The following NPR3 variants were observed in gnomAD, a reference collection of about 807,000 sequenced individuals.
NPR3 encodes the protein natriuretic peptide receptor 3, also known as atrial natriuretic peptide receptor 3.
NPR3 carries 34 observed loss-of-function variants against 54.5 expected under a neutral mutation model. The ratio of observed to expected loss-of-function variants is 0.62; its 90% CI spans 0.47 to 0.83. NPR3 has a LOEUF of 0.83. NPR3 is among the 40% of genes least tolerant of loss of function. NPR3 has a pLI of 0.00. For synonymous variants in NPR3, 289 were observed against 297.1 expected (o/e 0.97, Z 0.28); for missense variants, 674 against 720.8 (o/e 0.94, Z 0.74).
chr5:32,748,797 G>A (rs552020296), intron 3 of NPR3, among the ~76,000 whole-genome samples: 1 of 152,248 alleles, frequency 6.6e-6, no homozygotes, highest in African/African-American at 2.4e-5. Context: ...AATAATATGA[G>A]TGTTTTTACA....
intron 4 of NPR3, 132 bp downstream of exon 4, chr5:32,774,975 C>G: frequency 1.4e-6 from 1 of 711,102 alleles, no homozygotes; most frequent in Non-Finnish European, 2.5e-6. Context: ...CAGCCCATCT[C>G]ATAGGCTTGT....
intron 3 of NPR3, among the ~76,000 whole-genome samples, chr5:32,771,756 C>G (rs1367321725): frequency 6.6e-6 from 1 of 152,122 alleles, no homozygotes; most frequent in Non-Finnish European, 1.5e-5. Context: ...GGGCACAACC[C>G]TTGTACAATA....
chr5:32,694,040 C>T (rs901325826), intron 1 of NPR3, among the ~76,000 whole-genome samples: 2 of 152,194 alleles, frequency 1.3e-5, no homozygotes, highest in African/African-American at 4.8e-5. Context: ...TTCTAGTTCT[C>T]TCCAGCTGGA....
At chr5:32,763,476 A>ATTT (rs34351463) in intron 3 of NPR3, among the ~76,000 whole-genome samples, 1,453 of 133,792 alleles carry the variant, frequency 0.011, 14 homozygotes, top group African/African-American at 0.02. Context: ...CGCTCAGCTA[A>ATTT]TTTTTTTTTT....
intron 3 of NPR3, among the ~76,000 whole-genome samples, chr5:32,758,918 G>A (rs1379632501): frequency 6.6e-6 from 1 of 152,162 alleles, no homozygotes; most frequent in African/African-American, 2.4e-5. Context: ...GCAGTTTTGA[G>A]TGAGTTTCTT....
At chr5:32,784,726 T>C (rs556981375) in intron 6 of NPR3, 70 bp from the exon 7 acceptor site, 2 of 1,217,690 alleles carry the variant, frequency 1.6e-6, no homozygotes, top group African/African-American at 3.0e-5. Flanking sequence ...CTTCTTGCAA[T>C]GAATGAAACT....
chr5:32,740,520 A>C (rs760160180), intron 3 of NPR3, among the ~76,000 whole-genome samples: 28 of 151,896 alleles, frequency 1.8e-4, no homozygotes, highest in Non-Finnish European at 2.5e-4. Context: ...TTTTTAAATC[A>C]GTGCTGTCTG....
chr5:32,780,292 G>A lies in NPR3; in HGVS notation c.1196-430G>A, dbSNP rs150057124. Reference sequence around the variant, plus strand: ...GCCTGGAGAAAAGCACATTCACTGAGTCCTGGGCTGGAATGATTTTTCTAT... The same window carrying A: ...GCCTGGAGAAAAGCACATTCACTGAATCCTGGGCTGGAATGATTTTTCTAT... On this transcript the variant is annotated intron_variant, in intron 4 of 7. Transcript: ENST00000265074. Among the ~76,000 whole-genome samples the A allele has an allele frequency of 6.8e-4, 103 of 152,284 alleles. 1 individual carries two copies. The highest frequency in any genetic ancestry group is 2.2e-3 in the African/African-American group (90 of 41,542).
At chr5:32,768,228 A>AC (rs1363035756) in intron 3 of NPR3, among the ~76,000 whole-genome samples, 1 of 152,142 alleles carries the variant, frequency 6.6e-6, no homozygotes, top group Non-Finnish European at 1.5e-5. Context: ...TCTGGCTGGC[A>AC]CTGGTGAATC....
chr5:32,749,437 A>T (rs554046735), intron 3 of NPR3, among the ~76,000 whole-genome samples: 1 of 152,118 alleles, frequency 6.6e-6, no homozygotes, highest in South Asian at 2.1e-4. Flanking sequence ...GGTAATCCTT[A>T]GCTGTTTATA....
At chr5:32,762,534 C>G (rs1741232564) in intron 3 of NPR3, among the ~76,000 whole-genome samples, 1 of 151,434 alleles carries the variant, frequency 6.6e-6, no homozygotes, top group Non-Finnish European at 1.5e-5. Context: ...TTGCATTTCT[C>G]TAATGACCAG....
intron 2 of NPR3, among the ~76,000 whole-genome samples, chr5:32,735,283 T>C (rs941514368): frequency 6.6e-6 from 1 of 152,112 alleles, no homozygotes; most frequent in Non-Finnish European, 1.5e-5. Flanking sequence ...TCTTTACTGT[T>C]AACCTGTTTT....
At chr5:32,709,773 A>G (rs1738114932), upstream of NPR3, 1 of 152,146 alleles carries the variant, frequency 6.6e-6, no homozygotes, top group Non-Finnish European at 1.5e-5. Context: ...AGAAGTTGCC[A>G]TATCCCCAGA....
intron 3 of NPR3, among the ~76,000 whole-genome samples, chr5:32,740,962 C>CT (rs1375114153): frequency 2.6e-5 from 4 of 152,060 alleles, no homozygotes; most frequent in African/African-American, 9.6e-5. Flanking sequence ...ACTGAACTTC[C>CT]TTCAGTAGTG....
upstream of NPR3, chr5:32,709,509 G>A (rs1738101450): frequency 6.6e-6 from 1 of 151,582 alleles, no homozygotes; most frequent in Admixed American, 6.6e-5. Flanking sequence ...AATTTCCAGT[G>A]TGTGTGGATT....
intron 3 of NPR3, among the ~76,000 whole-genome samples, chr5:32,767,923 C>T (rs115507262): frequency 1.8e-3 from 270 of 152,216 alleles, no homozygotes; most frequent in African/African-American, 6.3e-3. Context: ...TGATTTTGGA[C>T]GATCAGAAGT....
At chr5:32,707,934 G>A (rs1738039963), upstream of NPR3, among the ~76,000 whole-genome samples, 1 of 147,388 alleles carries the variant, frequency 6.8e-6, no homozygotes, top group East Asian at 2.1e-4. Context: ...ATAAACCGTT[G>A]AATACTTTAT....
At chr5:32,758,758 T>G (rs559450962) in intron 3 of NPR3, among the ~76,000 whole-genome samples, 37 of 152,366 alleles carry the variant, frequency 2.4e-4, no homozygotes, top group African/African-American at 8.4e-4. Context: ...TAAATTTCCC[T>G]CTACACAGTG....
At chr5:32,780,952 G>C in intron 5 of NPR3, 136 bp downstream of exon 5, 2 of 605,252 alleles carry the variant, frequency 3.3e-6, no homozygotes, top group South Asian at 4.1e-5. Flanking sequence ...CTCAACTTTT[G>C]ATTGAGGGTT....
Sources: allele counts gnomAD v4.1 joint callset (sites outside exome capture counted in the v4.1 genomes callset), GRCh38; gene constraint gnomAD v4.1.1; transcripts MANE v1.5; gene names NCBI Gene and HGNC (gene_info 2026-07-23, HGNC 2026-07-21).